ARHGEF6: variants seen among roughly 807,000 people sequenced by gnomAD.
ARHGEF6 encodes the protein Rac/Cdc42 guanine nucleotide exchange factor 6.
ARHGEF6 carries 9 observed loss-of-function variants against 70.3 expected under a neutral mutation model. The ratio of observed to expected loss-of-function variants is 0.13; its 90% CI spans 0.08 to 0.22. ARHGEF6 has a LOEUF of 0.22. Among genes scored for constraint, ARHGEF6 ranks in the 10% least tolerant of loss-of-function variants. The pLI is 1.00. For missense variants in ARHGEF6, 470 were observed against 563.0 expected, an observed-to-expected ratio of 0.83 and a Z score of 1.67; for synonymous variants, 201 against 207.8, an observed-to-expected ratio of 0.97 and a Z score of 0.28.
chrX:136,750,518 C>G (rs1477148096), intron 2 of ARHGEF6, among the ~76,000 whole-genome samples: 1 of 111,302 alleles, frequency 9.0e-6, no homozygotes, highest in African/African-American at 3.3e-5. Context: ...CCAGTTAGTT[C>G]CAGTTAGATC....
At chrX:136,686,659 C>T (rs1435603028) in intron 11 of ARHGEF6, among the ~76,000 whole-genome samples, 2 of 66,575 alleles carry the variant, frequency 3.0e-5, no homozygotes, top group South Asian at 6.9e-4. Context: ...TATATATATA[C>T]ACATGTGTAT....
chrX:136,779,801 T>A (rs771408483), intron 1 of ARHGEF6, among the ~76,000 whole-genome samples: 1 of 111,892 alleles, frequency 8.9e-6, no homozygotes, highest in African/African-American at 3.2e-5. Context: ...TTGAGCTTAG[T>A]TCTTGCTTTC....
chrX:136,720,002 C>T (rs936508499), intron 6 of ARHGEF6, among the ~76,000 whole-genome samples: 2 of 111,635 alleles, frequency 1.8e-5, no homozygotes, highest in Non-Finnish European at 3.8e-5. Context: ...TAATTAACAT[C>T]GTTCCAAAAC....
At position 136,675,243 on chromosome X, in the gene ARHGEF6, T is replaced by C. The variant is rs192670173; in HGVS notation, c.1946-147A>G. 177 of 486,131 alleles carry C rather than the reference T, an allele frequency of 3.6e-4. No homozygotes were observed. The South Asian group carries it at 3.8e-3, about 10-fold the overall frequency. 40.1% of individuals were successfully genotyped at this position (486,131 alleles called of 1,213,427 possible). Reference sequence around the variant, plus strand: ...AGAAAGAGCTGTCCAACGCTGGTGATGGAGAAGAGTGACAGCATCCTCATG... The same window carrying C: ...AGAAAGAGCTGTCCAACGCTGGTGACGGAGAAGAGTGACAGCATCCTCATG... On this transcript the variant is annotated intron_variant, in intron 18 of 21. Transcript: ENST00000250617.
chrX:136,711,649 G>A (rs989894298), intron 7 of ARHGEF6, among the ~76,000 whole-genome samples: 1 of 111,347 alleles, frequency 9.0e-6, no homozygotes, highest in Admixed American at 9.5e-5. Context: ...TGCAACCTCC[G>A]CCTACCGAGT....
In ARHGEF6 at chrX:136,709,330, G is replaced by A. The variant is rs1405966948; in HGVS notation, c.828-560C>T. 2.7e-5 allele frequency among the ~76,000 whole-genome samples: 3 copies of A among 111,765 alleles called. No individual in the cohort carries two copies. The East Asian group carries it at 8.4e-4, about 31-fold the overall frequency. On this transcript the variant is annotated intron_variant, in intron 7 of 21. Coordinates refer to ENST00000250617, the MANE Select transcript of ARHGEF6 (RefSeq NM_004840.3). ...AGGCAAACTGAACCACTTTATCCAG[G>A]GCCTCTGTATGAAGAATGTTCTTAT...
In ARHGEF6 at chrX:136,666,339, C is replaced by A. The variant is rs992554944; in HGVS notation, c.*1690G>T. ...AAAATAAAAAGGGCTCCTCAGCAAG[C>A]TGGGGGTTTCAAACTTCAAGTTTTG... On this transcript the variant is annotated 3_prime_UTR_variant, in exon 22 of 22. Transcript: ENST00000250617. 8.9e-6 allele frequency: 1 copy of A among 111,993 alleles called. No individual in the cohort carries two copies. The highest frequency in any genetic ancestry group is 3.3e-5 in the African/African-American group (1 of 30,747). 9.2% of individuals were successfully genotyped at this position (111,993 alleles called of 1,213,427 possible).
Position 136,678,443 on chromosome X carries a change from C to T in ARHGEF6, c.1831-487G>A, listed in dbSNP as rs186158818. ...AAATTGGATGATTGCAAGAATTGCA[C>T]GTAAATTTCCAAAGCAAATCTGTGG... On this transcript the variant is annotated intron_variant, in intron 16 of 21. Coordinates refer to ENST00000250617, the MANE Select transcript of ARHGEF6 (RefSeq NM_004840.3). Among the ~76,000 whole-genome samples, 21 of 111,908 alleles carry T rather than the reference C, an allele frequency of 1.9e-4. No homozygotes were observed. The East Asian group carries it at 4.2e-3, about 22-fold the overall frequency.
In ARHGEF6 at chrX:136,687,932, C is replaced by T; in HGVS notation, c.1245G>A (p.Met415Ile). ...LKAIVAFKTLMGQCQDLRKRK... is the reference protein window; with the variant it reads ...LKAIVAFKTLIGQCQDLRKRK... ...ATTGTGATTTTAAAGCATCACCTAC[C>T]ATGAGAGTTTTGAATGCTACGATTG... The change falls in exon 11 of 22, where the codon ATG (methionine) becomes ATA (isoleucine). Residue 415 changes from methionine to isoleucine, a missense_variant and splice_region_variant. Transcript: ENST00000250617. 1 of 1,201,650 alleles carries T rather than the reference C, an allele frequency of 8.3e-7. No individual in the cohort carries two copies. The highest frequency in any genetic ancestry group is 1.1e-6 in the Non-Finnish European group (1 of 886,216).
At chrX:136,746,923 A>G (rs893110645) in intron 3 of ARHGEF6, among the ~76,000 whole-genome samples, 7 of 112,101 alleles carry the variant, frequency 6.2e-5, no homozygotes, top group African/African-American at 2.3e-4. Flanking sequence ...TGTTGGTAAA[A>G]TATACCAGGG....
rs142671285 is a variant in ARHGEF6 at position 136,750,284 on chromosome X, T to A, written c.250-2692A>T. On this transcript the variant is annotated intron_variant, in intron 2 of 21. Coordinates refer to ENST00000250617, the MANE Select transcript of ARHGEF6 (RefSeq NM_004840.3). ...TTTCTGTCTGCAAAGCACTGGAACT[T>A]GTTAAAAAGGTAATGTAAATTTGCA... 1.5e-3 allele frequency among the ~76,000 whole-genome samples: 173 copies of A among 112,554 alleles called. 3 individuals carry two copies. In the East Asian group the frequency reaches 0.043, roughly 28 times the overall value.
At chrX:136,748,900 A>G (rs2077123476) in intron 2 of ARHGEF6, among the ~76,000 whole-genome samples, 1 of 111,720 alleles carries the variant, frequency 9.0e-6, no homozygotes, top group South Asian at 3.7e-4. Context: ...AATATATAAT[A>G]TCAATTTTTC....
chrX:136,717,092 C>G (rs1445999786), intron 6 of ARHGEF6, among the ~76,000 whole-genome samples: 1 of 111,793 alleles, frequency 8.9e-6, no homozygotes, highest in Non-Finnish European at 1.9e-5. Flanking sequence ...CAAAATTAGT[C>G]AGACACCAAA....
rs1228943560 is a variant in ARHGEF6 at position 136,717,022 on chromosome X, G to A, written c.733-3652C>T. On this transcript the variant is annotated intron_variant, in intron 6 of 21. Transcript: ENST00000250617. ...ACATTCATGTAATGTGGAAATATCA[G>A]GAGAGGAAAGAGAAAATAATAGAAG... is the stretch of plus-strand genomic sequence containing the variant. 2.7e-5 allele frequency among the ~76,000 whole-genome samples: 3 copies of A among 111,876 alleles called. No individual in the cohort carries two copies. The East Asian group carries it at 8.4e-4, about 31-fold the overall frequency.
intron 1 of ARHGEF6, 70 bp from the exon 2 acceptor site, chrX:136,779,567 G>T (rs1603359024): frequency 1.0e-6 from 1 of 975,652 alleles, no homozygotes; most frequent in Non-Finnish European, 1.5e-6. Flanking sequence ...CTCATCATTT[G>T]CTGATAACTA....
chrX:136,721,054 T>C (rs994583053), intron 6 of ARHGEF6, among the ~76,000 whole-genome samples: 1 of 112,134 alleles, frequency 8.9e-6, no homozygotes, highest in Non-Finnish European at 1.9e-5. Flanking sequence ...ATTATCAAGA[T>C]GTCAGTTATT....
chrX:136,698,512 G>A (rs1370146912), intron 9 of ARHGEF6, among the ~76,000 whole-genome samples: 1 of 111,854 alleles, frequency 8.9e-6, no homozygotes, highest in East Asian at 2.8e-4. Context: ...AGCAGGAAGA[G>A]AAGAACAACT....
intron 7 of ARHGEF6, among the ~76,000 whole-genome samples, chrX:136,711,681 G>A (rs1454569394): frequency 3.6e-5 from 4 of 111,353 alleles, no homozygotes; most frequent in Non-Finnish European, 5.7e-5. Context: ...TCCTGCCTCA[G>A]CCTCTTAAGT....
chrX:136,751,727 G>C (rs1197352098), intron 2 of ARHGEF6, among the ~76,000 whole-genome samples: 1 of 111,424 alleles, frequency 9.0e-6, no homozygotes, highest in Non-Finnish European at 1.9e-5. Flanking sequence ...GAATAGGGAA[G>C]TAGGCCCTCA....
Sources: gnomAD v4.1 joint callset for allele counts (sites outside exome capture counted in the v4.1 genomes callset) on GRCh38, gnomAD v4.1.1 for gene constraint, MANE v1.5 for transcripts, NCBI Gene and HGNC (gene_info 2026-07-23, HGNC 2026-07-21) for gene names.